Variants in AUTS2 observed in about 807,000 individuals in gnomAD.
AUTS2 encodes the protein activator of transcription and developmental regulator AUTS2, also known as autism susceptibility gene 2 protein.
AUTS2 carries 17 observed loss-of-function variants against 112.4 expected under a neutral mutation model. The observed-to-expected ratio is 0.15, with a 90% CI of 0.10 to 0.23. The LOEUF (loss-of-function observed/expected upper bound fraction) is 0.23, where lower values mean the gene tolerates loss of function less well. Among genes scored for constraint, AUTS2 ranks in the 10% least tolerant of loss-of-function variants. The pLI is 1.00. For missense variants in AUTS2, 1,510 were observed against 1,701.6 expected (o/e 0.89, Z 1.98); for synonymous variants, 751 against 702.7 (o/e 1.07, Z -1.09).
rs67123941 is a variant in AUTS2 at position 70,621,838 on chromosome 7, CTTTTTTTTT to C, written c.691-76712_691-76704del. Among the ~76,000 whole-genome samples, 34 of 66,818 alleles carry C rather than the reference CTTTTTTTTT, an allele frequency of 5.1e-4. No individual in the cohort carries two copies. In the East Asian group the frequency reaches 7.4e-3, roughly 15 times the overall value. 43.8% of individuals were successfully genotyped at this position (66,818 alleles called of 152,430 possible). On this transcript the variant is annotated intron_variant, in intron 5 of 18. Transcript: ENST00000342771. ...GCTTACGTTAGTGCATAGTCATTCT[CTTTTTTTTT>C]TTTTTTTTTTTTTTTTTTGGAGAAA...
chr7:70,494,856 T>C (rs1798387888), intron 5 of AUTS2, among the ~76,000 whole-genome samples: 2 of 152,212 alleles, frequency 1.3e-5, no homozygotes, highest in African/African-American at 4.8e-5. Context: ...ATAGAATTTA[T>C]GAGCATTTTC....
intron 5 of AUTS2, among the ~76,000 whole-genome samples, chr7:70,439,463 C>T (rs754441875): frequency 1.4e-5 from 2 of 146,552 alleles, no homozygotes; most frequent in Non-Finnish European, 3.0e-5. Context: ...TGCTTGAACC[C>T]GGGAGGCGGA....
chr7:70,496,551 GACAC>G (rs1409475545), intron 5 of AUTS2, among the ~76,000 whole-genome samples: 2 of 26,224 alleles, frequency 7.6e-5, no homozygotes, highest in Non-Finnish European at 7.4e-5. Flanking sequence ...TACACAGTCA[GACAC>G]ACACACACAC....
chr7:69,761,396 A>G (rs1788178908), intron 1 of AUTS2, among the ~76,000 whole-genome samples: 1 of 152,146 alleles, frequency 6.6e-6, no homozygotes, highest in South Asian at 2.1e-4. Flanking sequence ...TAAGGTAGTG[A>G]CTGGCTGTGG....
Position 70,029,106 on chromosome 7 carries a change from G to A in AUTS2, c.523-89026G>A, listed in dbSNP as rs142925943. 8.6e-3 allele frequency among the ~76,000 whole-genome samples: 1,311 copies of A among 152,130 alleles called. 11 individuals are homozygous for A. The highest frequency in any genetic ancestry group is 0.02 in the Middle Eastern group (6 of 294). On this transcript the variant is annotated intron_variant, in intron 2 of 18. Coordinates refer to ENST00000342771, the MANE Select transcript of AUTS2 (RefSeq NM_015570.4). ...TCTCAGCCCAGCTTGAAAACTTTGAGCATTTGTTATTTTATCTTTCTGTGC... is the reference window on the plus strand; with the variant it reads ...TCTCAGCCCAGCTTGAAAACTTTGAACATTTGTTATTTTATCTTTCTGTGC...
intron 2 of AUTS2, among the ~76,000 whole-genome samples, chr7:69,979,577 A>T (rs1798208409): frequency 6.6e-6 from 1 of 152,222 alleles, no homozygotes; most frequent in South Asian, 2.1e-4. Context: ...GTATTTTGGA[A>T]ATAAAAGATG....
At chr7:70,683,691 A>G (rs541943299) in intron 5 of AUTS2, among the ~76,000 whole-genome samples, 65 of 152,392 alleles carry the variant, frequency 4.3e-4, no homozygotes, top group African/African-American at 1.5e-3. Context: ...TGGAAATTAC[A>G]TAGGACCAGA....
intron 4 of AUTS2, among the ~76,000 whole-genome samples, chr7:70,242,044 C>G (rs1812642307): frequency 6.6e-6 from 1 of 152,164 alleles, no homozygotes; most frequent in Non-Finnish European, 1.5e-5. Context: ...TGCAGAGTGA[C>G]AGCACAATTC....
intron 4 of AUTS2, among the ~76,000 whole-genome samples, chr7:70,185,445 G>A (rs1809551234): frequency 6.6e-6 from 1 of 151,738 alleles, no homozygotes; most frequent in Non-Finnish European, 1.5e-5. Context: ...AACTAAGAAT[G>A]GGATAAATGC....
At chr7:69,747,416 T>C (rs1787541343) in intron 1 of AUTS2, among the ~76,000 whole-genome samples, 1 of 152,226 alleles carries the variant, frequency 6.6e-6, no homozygotes, top group East Asian at 1.9e-4. Context: ...TCTTAGTAAA[T>C]GCTGGCTATT....
At chr7:69,684,020 G>C (rs2129171231) in intron 1 of AUTS2, among the ~76,000 whole-genome samples, 1 of 152,306 alleles carries the variant, frequency 6.6e-6, no homozygotes, top group East Asian at 1.9e-4. Context: ...AAAATGAAGG[G>C]CCCAGATCAG....
intron 2 of AUTS2, among the ~76,000 whole-genome samples, chr7:69,918,543 A>G (rs1343444414): frequency 6.6e-6 from 1 of 152,234 alleles, no homozygotes; most frequent in Admixed American, 6.5e-5. Flanking sequence ...TTAATACTGA[A>G]ATGAAAACTT....
chr7:69,856,197 TC>T (rs1395410601), intron 1 of AUTS2, among the ~76,000 whole-genome samples: 1 of 152,048 alleles, frequency 6.6e-6, no homozygotes, highest in African/African-American at 2.4e-5. Flanking sequence ...ATAGGCTGAG[TC>T]CCAAGGGGTC....
intron 2 of AUTS2, among the ~76,000 whole-genome samples, chr7:70,081,268 T>C (rs1320355136): frequency 6.6e-6 from 1 of 151,278 alleles, no homozygotes; most frequent in Admixed American, 6.6e-5. Context: ...CAGAACAAAA[T>C]GAGCTGGACG....
At chr7:69,658,480 T>C (rs1795643828) in intron 1 of AUTS2, among the ~76,000 whole-genome samples, 1 of 152,222 alleles carries the variant, frequency 6.6e-6, no homozygotes, top group South Asian at 2.1e-4. Context: ...GCTAGACAAT[T>C]ATATACTATT....
chr7:70,339,244 C>T (rs1044267539), intron 4 of AUTS2, among the ~76,000 whole-genome samples: 3 of 152,026 alleles, frequency 2.0e-5, no homozygotes, highest in African/African-American at 7.2e-5. Flanking sequence ...TTCAAAGGAA[C>T]AATGTCTTAG....
At chr7:69,796,359 A>C (rs1191119009) in intron 1 of AUTS2, among the ~76,000 whole-genome samples, 1 of 152,120 alleles carries the variant, frequency 6.6e-6, no homozygotes, top group Non-Finnish European at 1.5e-5. Context: ...TCTCTACCAA[A>C]CAAACAAACA....
chr7:69,657,503 G>C (rs1293885957), intron 1 of AUTS2, among the ~76,000 whole-genome samples: 1 of 152,240 alleles, frequency 6.6e-6, no homozygotes, highest in African/African-American at 2.4e-5. Flanking sequence ...TACCACCTGG[G>C]TTGTGCTTGC....
chr7:70,110,539 T>C (rs974705442), intron 2 of AUTS2, among the ~76,000 whole-genome samples: 7 of 152,068 alleles, frequency 4.6e-5, no homozygotes, highest in African/African-American at 7.2e-5. Context: ...AATAAACAAA[T>C]AAATAAATAA....
Sources: allele counts gnomAD v4.1 joint callset (sites outside exome capture counted in the v4.1 genomes callset), GRCh38; gene constraint gnomAD v4.1.1; transcripts MANE v1.5; gene names NCBI Gene and HGNC (gene_info 2026-07-23, HGNC 2026-07-21).